The following CCSER1 variants were observed in gnomAD, a reference collection of about 807,000 sequenced individuals.
CCSER1 encodes coiled-coil serine rich protein 1.
Under a neutral mutation model 82.0 loss-of-function variants are expected in CCSER1, and 41 were observed. The ratio of observed to expected loss-of-function variants is 0.50; its 90% CI spans 0.39 to 0.65. The LOEUF (loss-of-function observed/expected upper bound fraction) is 0.65, where lower values mean the gene tolerates loss of function less well. Ranked by LOEUF, CCSER1 falls within the 30% of genes least tolerant of loss-of-function variation. The pLI, the probability that CCSER1 is intolerant of heterozygous loss-of-function variation, is 0.00. For missense variants in CCSER1, 1,119 were observed against 1,064.2 expected (o/e 1.05, Z -0.72); for synonymous variants, 414 against 383.9 (o/e 1.08, Z -0.92).
chr4:90,523,858 T>C (rs2153626601), intron 5 of CCSER1, among the ~76,000 whole-genome samples: 1 of 152,250 alleles, frequency 6.6e-6, no homozygotes, highest in East Asian at 1.9e-4. Flanking sequence ...ATAATAATTA[T>C]AGGCATATAA....
chr4:90,859,204 C>G (rs867192966), intron 8 of CCSER1, among the ~76,000 whole-genome samples: 1 of 151,798 alleles, frequency 6.6e-6, no homozygotes, highest in African/African-American at 2.4e-5. Context: ...ACTAATTTCT[C>G]TTTCCCTGAA....
intron 7 of CCSER1, among the ~76,000 whole-genome samples, chr4:90,813,344 C>A (rs761019101): frequency 6.6e-6 from 1 of 152,194 alleles, no homozygotes; most frequent in Admixed American, 6.5e-5. Flanking sequence ...CAGGGAATGC[C>A]GATGCAAGGG....
At chr4:91,363,988 A>G (rs1021248171) in intron 10 of CCSER1, among the ~76,000 whole-genome samples, 11 of 149,474 alleles carry the variant, frequency 7.4e-5, no homozygotes, top group Admixed American at 6.0e-4. Flanking sequence ...GTCTCAGCAC[A>G]TTTTGGTAAA....
intron 5 of CCSER1, among the ~76,000 whole-genome samples, chr4:90,627,011 A>G: frequency 6.6e-6 from 1 of 152,198 alleles, no homozygotes; most frequent in East Asian, 1.9e-4. Flanking sequence ...CAAAGTTTGA[A>G]TGAATTAACA....
intron 10 of CCSER1, among the ~76,000 whole-genome samples, chr4:91,178,766 C>A (rs1243656293): frequency 2.0e-5 from 3 of 151,954 alleles, no homozygotes; most frequent in African/African-American, 7.3e-5. Flanking sequence ...ATCTAATTTG[C>A]CAGTCTGTTT....
chr4:91,391,349 A>G (rs185403991), intron 10 of CCSER1, among the ~76,000 whole-genome samples: 157 of 152,238 alleles, frequency 1.0e-3, no homozygotes, highest in Non-Finnish European at 1.4e-3. Flanking sequence ...CACCCAGGCT[A>G]GAATGCAGTG....
intron 8 of CCSER1, among the ~76,000 whole-genome samples, chr4:90,858,785 A>G (rs1764740720): frequency 6.6e-6 from 1 of 151,934 alleles, no homozygotes; most frequent in Admixed American, 6.6e-5. Flanking sequence ...TACAGAATTG[A>G]TAAATTTATA....
rs564901913 is a variant in CCSER1 at position 91,394,275 on chromosome 4, A to G, written c.2218-204297A>G. Among the ~76,000 whole-genome samples, 94 of 152,252 alleles carry G rather than the reference A, an allele frequency of 6.2e-4. 1 individual carries two copies. The highest frequency in any genetic ancestry group is 1.9e-3 in the African/African-American group (81 of 41,574). ...ATTAAATATTATAGAAACCATAGAT[A>G]ACAAAGTAAATGAGGGTAGAATCTA... is the stretch of plus-strand genomic sequence containing the variant. On this transcript the variant is annotated intron_variant, in intron 10 of 10. Coordinates refer to ENST00000509176, the MANE Select transcript of CCSER1 (RefSeq NM_001145065.2).
intron 9 of CCSER1, among the ~76,000 whole-genome samples, chr4:91,022,624 C>G (rs1384243504): frequency 1.3e-5 from 2 of 152,176 alleles, no homozygotes; most frequent in African/African-American, 4.8e-5. Flanking sequence ...ACAGTCCCAC[C>G]AACAGCGTAA....
chr4:90,743,646 C>T (rs902334426), intron 7 of CCSER1, among the ~76,000 whole-genome samples: 17 of 152,148 alleles, frequency 1.1e-4, no homozygotes, highest in Admixed American at 2.6e-4. Context: ...TCGGCAGCCA[C>T]CTTTAAGCCT....
chr4:91,512,120 G>C (rs979520207), intron 10 of CCSER1, among the ~76,000 whole-genome samples: 1 of 152,134 alleles, frequency 6.6e-6, no homozygotes, highest in Non-Finnish European at 1.5e-5. Context: ...TGTGATGGTT[G>C]ATACTGTCAA....
chr4:90,539,462 G>A (rs1410171028), intron 5 of CCSER1, among the ~76,000 whole-genome samples: 2 of 152,004 alleles, frequency 1.3e-5, no homozygotes, highest in Non-Finnish European at 2.9e-5. Context: ...ATACCCTGTT[G>A]TAAGCTCTCA....
chr4:91,042,540 T>A (rs1302624542), intron 9 of CCSER1, among the ~76,000 whole-genome samples: 1 of 152,200 alleles, frequency 6.6e-6, no homozygotes, highest in Non-Finnish European at 1.5e-5. Context: ...GGTCTGTGCA[T>A]ACATTAATGA....
At chr4:90,414,010 A>ATATATATATATATC (rs1755420770) in intron 4 of CCSER1, among the ~76,000 whole-genome samples, 1 of 115,280 alleles carries the variant, frequency 8.7e-6, no homozygotes, top group African/African-American at 3.1e-5. Context: ...ATATATATAT[A>ATATATATATATATC]TCTTCTTCCT....
intron 1 of CCSER1, among the ~76,000 whole-genome samples, chr4:90,227,790 C>A (rs1018136559): frequency 6.6e-6 from 1 of 152,146 alleles, no homozygotes; most frequent in Non-Finnish European, 1.5e-5. Flanking sequence ...CGAAGCAGGG[C>A]GAGGCATTGC....
At chr4:91,169,798 C>G (rs996310803) in intron 10 of CCSER1, among the ~76,000 whole-genome samples, 2 of 151,836 alleles carry the variant, frequency 1.3e-5, no homozygotes, top group Non-Finnish European at 2.9e-5. Flanking sequence ...TTCTTGCAAA[C>G]TTACCTGTTC....
At chr4:91,440,958 T>C (rs1755087421) in intron 10 of CCSER1, among the ~76,000 whole-genome samples, 1 of 152,016 alleles carries the variant, frequency 6.6e-6, no homozygotes, top group East Asian at 1.9e-4. Flanking sequence ...TAACAGGATC[T>C]GAAATTGTGG....
intron 5 of CCSER1, among the ~76,000 whole-genome samples, chr4:90,539,912 T>A (rs1579049930): frequency 6.6e-6 from 1 of 152,164 alleles, no homozygotes; most frequent in Non-Finnish European, 1.5e-5. Context: ...TACTTGAATG[T>A]AGAAGGAGAG....
At chr4:91,521,703 C>T (rs1297721286) in intron 10 of CCSER1, among the ~76,000 whole-genome samples, 1 of 152,160 alleles carries the variant, frequency 6.6e-6, no homozygotes. Flanking sequence ...TGTTCATATT[C>T]TTTGCCCACT....
Sources: allele counts gnomAD v4.1 joint callset (sites outside exome capture counted in the v4.1 genomes callset), GRCh38; gene constraint gnomAD v4.1.1; transcripts MANE v1.5; gene names NCBI Gene and HGNC (gene_info 2026-07-23, HGNC 2026-07-21).